The following CCDC3 variants were observed in gnomAD, a reference collection of about 807,000 sequenced individuals.
CCDC3 encodes the protein coiled-coil domain containing 3.
CCDC3 carries 24 observed loss-of-function variants against 21.4 expected under a neutral mutation model. That is an observed-to-expected ratio of 1.12 (90% CI 0.81 to 1.58). CCDC3 has a LOEUF of 1.58. Among genes scored for constraint, CCDC3 ranks in the 40% most tolerant of loss-of-function variants. The probability of loss-of-function intolerance (pLI) is 0.00; values close to 1 mark genes in which losing one functional copy is unlikely to be tolerated. For missense variants in CCDC3, 425 were observed against 360.9 expected (o/e 1.18, Z -1.44); for synonymous variants, 186 against 166.0 (o/e 1.12, Z -0.93).
chr10:12,985,702 A>C (rs563720443), intron 2 of CCDC3, among the ~76,000 whole-genome samples: 1 of 152,300 alleles, frequency 6.6e-6, no homozygotes, highest in South Asian at 2.1e-4. Flanking sequence ...ATAACACCTG[A>C]AATAACATTA....
At chr10:13,074,153 A>ATATATATATTTTTT (rs1365749317) in intron 3 of CCDC3, 2 of 64,292 alleles carry the variant, frequency 3.1e-5, no homozygotes, top group South Asian at 1.4e-3. Flanking sequence ...ATATATATAT[A>ATATATATATTTTTT]TTTTTTTTTT....
chr10:13,006,023 G>C (rs1038310403), upstream of CCDC3, among the ~76,000 whole-genome samples: 2 of 152,002 alleles, frequency 1.3e-5, no homozygotes, highest in African/African-American at 4.8e-5. Flanking sequence ...AATTTTTGTG[G>C]GGCCTATCTC....
intron 5 of CCDC3, among the ~76,000 whole-genome samples, chr10:13,039,437 G>T (rs936339948): frequency 1.3e-5 from 2 of 150,898 alleles, no homozygotes; most frequent in Non-Finnish European, 3.0e-5. Context: ...AAAAAAAAAG[G>T]TACTTCCAGA....
intron 3 of CCDC3, among the ~76,000 whole-genome samples, chr10:13,083,018 C>A (rs1837061180): frequency 6.6e-6 from 1 of 152,126 alleles, no homozygotes. Context: ...TGGCTTGCTG[C>A]CCACACAGCC....
At chr10:13,053,760 G>A (rs1836643486) in intron 4 of CCDC3, among the ~76,000 whole-genome samples, 7 of 152,228 alleles carry the variant, frequency 4.6e-5, no homozygotes, top group African/African-American at 1.4e-4. Context: ...GAGCTGCCTC[G>A]TTTGATCCTG....
chr10:12,939,496 A>T (rs1234705209), intron 2 of CCDC3, among the ~76,000 whole-genome samples: 1 of 152,090 alleles, frequency 6.6e-6, no homozygotes, highest in East Asian at 1.9e-4. Flanking sequence ...AGTGGCATGC[A>T]CCTGTAGTCC....
upstream of CCDC3, among the ~76,000 whole-genome samples, chr10:13,002,052 C>G (rs1456803037): frequency 6.6e-6 from 1 of 152,214 alleles, no homozygotes; most frequent in Non-Finnish European, 1.5e-5. Context: ...TACATTTTCT[C>G]TACATTTCAG....
chr10:12,941,658 A>C (rs1031598883), intron 2 of CCDC3, among the ~76,000 whole-genome samples: 9 of 152,234 alleles, frequency 5.9e-5, no homozygotes, highest in African/African-American at 1.9e-4. Context: ...AAGCTAAGAC[A>C]TACTAAATTA....
At chr10:12,899,564 G>A (rs1024048186) in intron 2 of CCDC3, among the ~76,000 whole-genome samples, 10 of 151,948 alleles carry the variant, frequency 6.6e-5, no homozygotes, top group Non-Finnish European at 1.5e-4. Flanking sequence ...AGAGAGGTCT[G>A]GTTCCATAAA....
At chr10:12,955,705 A>G (rs1484251218) in intron 2 of CCDC3, among the ~76,000 whole-genome samples, 1 of 151,978 alleles carries the variant, frequency 6.6e-6, no homozygotes, top group Non-Finnish European at 1.5e-5. Context: ...GGTGTGTGCC[A>G]CCATGCCCAG....
chr10:12,924,419 C>T (rs1316566505), intron 2 of CCDC3, among the ~76,000 whole-genome samples: 2 of 152,138 alleles, frequency 1.3e-5, no homozygotes, highest in Non-Finnish European at 2.9e-5. Context: ...CTTTCTGAAG[C>T]GAATATTCGT....
intron 4 of CCDC3, among the ~76,000 whole-genome samples, chr10:13,066,425 C>T (rs1836820385): frequency 6.6e-6 from 1 of 152,226 alleles, no homozygotes; most frequent in Non-Finnish European, 1.5e-5. Flanking sequence ...CTGAATTACA[C>T]ACCACACCTC....
intron 2 of CCDC3, among the ~76,000 whole-genome samples, chr10:12,930,750 A>G (rs1038548427): frequency 4.6e-5 from 7 of 152,152 alleles, no homozygotes; most frequent in Non-Finnish European, 1.0e-4. Flanking sequence ...ACCATCCCAC[A>G]ATGGATTGGA....
intron 3 of CCDC3, among the ~76,000 whole-genome samples, chr10:13,094,380 T>G (rs1285797563): frequency 1.3e-5 from 2 of 152,004 alleles, no homozygotes; most frequent in African/African-American, 4.8e-5. Flanking sequence ...TACCTCAGCC[T>G]CTAGTAGCTG....
At chr10:12,946,614 T>C (rs1834920042) in intron 2 of CCDC3, among the ~76,000 whole-genome samples, 1 of 152,226 alleles carries the variant, frequency 6.6e-6, no homozygotes, top group South Asian at 2.1e-4. Flanking sequence ...GAACCTATTC[T>C]GGTTCTGAGT....
intron 4 of CCDC3, chr10:13,058,379 C>CA (rs1437530581): frequency 1.7e-5 from 16 of 963,674 alleles, no homozygotes; most frequent in Non-Finnish European, 2.7e-5. Flanking sequence ...CAGTCCAGGA[C>CA]AATACGCTGC....
intron 3 of CCDC3, among the ~76,000 whole-genome samples, chr10:13,075,249 A>T (rs1836948302): frequency 6.6e-6 from 1 of 152,234 alleles, no homozygotes; most frequent in Non-Finnish European, 1.5e-5. Context: ...TTTGTTTAAC[A>T]AGCAATAAAC....
intron 2 of CCDC3, among the ~76,000 whole-genome samples, chr10:12,925,068 C>T (rs750806353): frequency 6.6e-6 from 1 of 152,100 alleles, no homozygotes; most frequent in Non-Finnish European, 1.5e-5. Context: ...GAGGGGGCCA[C>T]CAATACCCTA....
At chr10:12,935,708 G>A (rs897890713) in intron 2 of CCDC3, among the ~76,000 whole-genome samples, 1 of 146,440 alleles carries the variant, frequency 6.8e-6, no homozygotes, top group Non-Finnish European at 1.5e-5. Flanking sequence ...CTCTGTTGCC[G>A]AGGCTGGAGT....
Sources: allele counts gnomAD v4.1 joint callset (sites outside exome capture counted in the v4.1 genomes callset), GRCh38; gene constraint gnomAD v4.1.1; transcripts MANE v1.5; gene names NCBI Gene and HGNC (gene_info 2026-07-23, HGNC 2026-07-21).